MAP4: variants seen among roughly 807,000 people sequenced by gnomAD.
MAP4 encodes the protein microtubule-associated protein 4.
A neutral mutation model predicts 170.2 loss-of-function variants in MAP4; 76 were observed. The observed-to-expected ratio is 0.45, with a 90% CI of 0.37 to 0.54. MAP4 has a LOEUF of 0.54. Among genes scored for constraint, MAP4 ranks in the 20% least tolerant of loss-of-function variants. The pLI, the probability that MAP4 is intolerant of heterozygous loss-of-function variation, is 0.00. For missense variants in MAP4, 2,506 were observed against 2,748.0 expected (o/e 0.91, Z 1.97); for synonymous variants, 909 against 994.5 (o/e 0.91, Z 1.62).
intron 6 of MAP4, 131 bp downstream of exon 6, chr3:47,918,588 T>G (rs1213398160): frequency 7.5e-6 from 5 of 663,018 alleles, no homozygotes; most frequent in Non-Finnish European, 1.3e-5. Flanking sequence ...ATCACTAATA[T>G]AAGCAAAACA....
chr3:47,886,261 A>C (rs2097571510), intron 10 of MAP4, among the ~76,000 whole-genome samples: 1 of 152,208 alleles, frequency 6.6e-6, no homozygotes, highest in Admixed American at 6.5e-5. Flanking sequence ...AGTTCTCACC[A>C]AGCCCTTTCC....
chr3:48,044,897 C>A lies in MAP4; in HGVS notation c.-20+43876G>T, dbSNP rs191471060. Among the ~76,000 whole-genome samples, 68 of 151,300 alleles carry A rather than the reference C, an allele frequency of 4.5e-4. 2 individuals carry two copies. The East Asian group carries it at 0.012, about 26-fold the overall frequency. ...CCAGGAGGTAGAGGTTGCAGTGAGC[C>A]GAGATCACACTACTGCACTCCAGCC... On this transcript the variant is annotated intron_variant, in intron 1 of 18. Transcript: ENST00000360240.
rs7620737 is a variant in MAP4 at position 48,068,480 on chromosome 3, C to T, written c.-20+20293G>A. On this transcript the variant is annotated intron_variant, in intron 1 of 18. Coordinates refer to the MAP4 transcript ENST00000360240. ...AACTCCAAGGCTCAAGTGATTCTCC[C>T]GCCTCTGCTTCTCAAGAAGCTGGGA... 4.2e-3 allele frequency among the ~76,000 whole-genome samples: 633 copies of T among 152,128 alleles called. 6 individuals are homozygous for T. Among genetic ancestry groups the T allele is most frequent in the African/African-American group, 0.014 (599 of 41,510 alleles).
At chr3:48,050,381 A>T (rs771710576) in intron 1 of MAP4, among the ~76,000 whole-genome samples, 16 of 152,094 alleles carry the variant, frequency 1.1e-4, no homozygotes, top group Non-Finnish European at 1.8e-4. Context: ...ACAAACAAAC[A>T]GAACAACTAT....
intron 3 of MAP4, among the ~76,000 whole-genome samples, chr3:47,951,036 G>A (rs2100063391): frequency 6.6e-6 from 1 of 152,050 alleles, no homozygotes; most frequent in African/African-American, 2.4e-5. Flanking sequence ...GGTCAGTTTT[G>A]GAACACATTA....
intron 3 of MAP4, among the ~76,000 whole-genome samples, chr3:47,958,316 C>T (rs116525493): frequency 2.2e-3 from 333 of 152,272 alleles, no homozygotes; most frequent in African/African-American, 7.8e-3. Flanking sequence ...TAAAGAACCT[C>T]AACCAGCTGA....
At chr3:48,025,707 T>G (rs1311273494) in intron 1 of MAP4, among the ~76,000 whole-genome samples, 1 of 151,698 alleles carries the variant, frequency 6.6e-6, no homozygotes, top group African/African-American at 2.4e-5. Flanking sequence ...AAGACCAGCC[T>G]GGCCGACGTG....
At chr3:48,064,374 G>A (rs567909986) in intron 1 of MAP4, among the ~76,000 whole-genome samples, 17 of 151,980 alleles carry the variant, frequency 1.1e-4, no homozygotes, top group Non-Finnish European at 2.1e-4. Flanking sequence ...CAGCACAAGA[G>A]GACAGCTTCA....
At chr3:48,029,815 C>T (rs959561551) in intron 1 of MAP4, among the ~76,000 whole-genome samples, 11 of 151,502 alleles carry the variant, frequency 7.3e-5, no homozygotes, top group Admixed American at 4.6e-4. Context: ...CTGGCTAACA[C>T]GGTGAAACCC....
chr3:48,060,167 A>C (rs2100134429), intron 1 of MAP4, among the ~76,000 whole-genome samples: 1 of 152,182 alleles, frequency 6.6e-6, no homozygotes, highest in South Asian at 2.1e-4. Flanking sequence ...GTAAAAACTC[A>C]GTCACTCATA....
intron 10 of MAP4, among the ~76,000 whole-genome samples, chr3:47,890,104 G>C (rs1183898400): frequency 6.6e-6 from 1 of 151,730 alleles, no homozygotes; most frequent in Non-Finnish European, 1.5e-5. Flanking sequence ...TTTTAAACAA[G>C]CAAAACACAT....
At chr3:47,923,208 G>C (rs963656086) in intron 4 of MAP4, among the ~76,000 whole-genome samples, 1 of 151,828 alleles carries the variant, frequency 6.6e-6, no homozygotes, top group Non-Finnish European at 1.5e-5. Context: ...ACTAGTTCCT[G>C]AGTGACACTA....
chr3:47,981,866 C>T (rs2100085618), intron 2 of MAP4, among the ~76,000 whole-genome samples: 1 of 152,044 alleles, frequency 6.6e-6, no homozygotes, highest in Admixed American at 6.6e-5. Flanking sequence ...AATCCTATTT[C>T]ATCAGAGAAA....
chr3:48,040,597 C>G (rs920031992), intron 1 of MAP4, among the ~76,000 whole-genome samples: 1 of 149,970 alleles, frequency 6.7e-6, no homozygotes, highest in African/African-American at 2.5e-5. Context: ...GACAGAGTCT[C>G]ACTGTCACCC....
chr3:48,079,348 T>C (rs1240116080), intron 1 of MAP4, among the ~76,000 whole-genome samples: 2 of 151,852 alleles, frequency 1.3e-5, no homozygotes, highest in African/African-American at 2.4e-5. Flanking sequence ...TCAACCTATA[T>C]CTGATTAAGA....
At position 47,909,292 on chromosome 3, in the gene MAP4, T is replaced by A; in HGVS notation, c.5129A>T (p.Asp1710Val). The change falls in exon 9 of 21, where the codon GAT becomes GTT. Residue 1710 changes from aspartate (D) to valine (V), a missense_variant. Physicochemically the swap from Asp to Val is radical, Grantham distance 152 (BLOSUM62 -3). Coordinates refer to ENST00000683076, the MANE Select transcript of MAP4 (RefSeq NM_001385682.1). ...KVEAPPSEVA[D>V]TLVIMTASKG... ...GGAAGCAGTCATTATTACTAACGTA[T>A]CCGCCACCTCTGAAGGAGGAGCTTC... 6.2e-7 allele frequency: 1 copy of A among 1,613,876 alleles called. No homozygotes were observed. The highest frequency in any genetic ancestry group is 8.5e-7 in the Non-Finnish European group (1 of 1,179,818).
At chr3:48,033,281 T>C (rs957367762) in intron 1 of MAP4, among the ~76,000 whole-genome samples, 2 of 152,224 alleles carry the variant, frequency 1.3e-5, no homozygotes, top group Admixed American at 6.5e-5. Context: ...GCTATATCTA[T>C]GTATTGGAAA....
rs778469537 is a variant in MAP4, at chr3:47,853,002, G to A, written c.6887-64C>T. On this transcript the variant is annotated intron_variant, in intron 20 of 20. Coordinates refer to ENST00000683076, the MANE Select transcript of MAP4 (RefSeq NM_001385682.1). The stretch of plus-strand genomic sequence containing the variant: ...GGGGAGACAAGAGGGGAACACGGGG[G>A]AGACGGAAGACGAGACCAGAATGTC... 26 of 1,614,232 alleles carry A rather than the reference G, an allele frequency of 1.6e-5. No homozygotes were observed. The East Asian group carries it at 4.5e-4, about 28-fold the overall frequency.
intron 3 of MAP4, among the ~76,000 whole-genome samples, chr3:47,928,795 G>A (rs1490326907): frequency 6.7e-6 from 1 of 149,756 alleles, no homozygotes; most frequent in Non-Finnish European, 1.5e-5. Flanking sequence ...GGATAAAACT[G>A]TCAAAAGCAA....
Sources: gnomAD v4.1 joint callset for allele counts (sites outside exome capture counted in the v4.1 genomes callset) on GRCh38, gnomAD v4.1.1 for gene constraint, MANE v1.5 for transcripts, NCBI Gene and HGNC (gene_info 2026-07-23, HGNC 2026-07-21) for gene names.